VTN: variants seen among roughly 807,000 people sequenced by gnomAD.
The protein encoded by VTN is vitronectin.
In VTN, 45 loss-of-function variants were observed where a neutral mutation model predicts 55.9. The observed-to-expected ratio is 0.80, with a 90% CI of 0.63 to 1.03. The LOEUF (loss-of-function observed/expected upper bound fraction) is 1.03. VTN is among the 50% of genes least tolerant of loss of function. The pLI, the probability that VTN is intolerant of heterozygous loss-of-function variation, is 0.00. For missense variants in VTN, 589 were observed against 638.2 expected (o/e 0.92, Z 0.83); for synonymous variants, 238 against 242.3 (o/e 0.98, Z 0.17).
In VTN at chr17:28,367,298, C is replaced by T. The variant is rs985205214; in HGVS notation, c.*71G>A. On this transcript the variant is annotated 3_prime_UTR_variant, in exon 8 of 8. Transcript: ENST00000226218. ...TAATTTTAAACTCGGGGCTAAGGGA[C>T]CTTTATTGGGCTGGGGGAAGGAGAT... The T allele has an allele frequency of 3.8e-6, 4 of 1,066,604 alleles. No homozygotes were observed. The highest frequency in any genetic ancestry group is 2.5e-5 in the East Asian group (1 of 39,542). The allele number at this position is 1,066,604 out of a possible 1,614,324, so 66.1% of individuals were successfully genotyped here.
chr17:28,368,225 C>G (rs1372404960), intron 6 of VTN, among the ~76,000 whole-genome samples, 166 bp from the exon 7 acceptor site: 1 of 152,110 alleles, frequency 6.6e-6, no homozygotes, highest in Non-Finnish European at 1.5e-5. Flanking sequence ...CTGTGCTTTC[C>G]CTCCACCATA....
Position 28,369,540 on chromosome 17 carries a change from C to T in VTN, c.496G>A (p.Asp166Asn), listed in dbSNP as rs1392405498. 6.2e-6 allele frequency: 10 copies of T among 1,609,262 alleles called. No homozygotes were observed. The highest frequency in any genetic ancestry group is 3.3e-5 in the South Asian group (3 of 91,008). ...GCAAAGAGGGAACCGTTCTTGAGGT[C>T]GGTGAAGGCGTCGAAGGGCTTCCCA... ...CSGKPFDAFT[D>N]LKNGSLFAFR... Residue 166 changes from aspartate (D) to asparagine (N), a missense_variant, in exon 3 of 8, where the codon GAC becomes AAC. Physicochemically the swap from Asp to Asn is conservative, Grantham distance 23 (BLOSUM62 1). Around this residue, in one of 3 missense-constraint regions of VTN, gnomAD observed 217 missense variants for 241.3 expected, o/e 0.90. Transcript: ENST00000226218. The surrounding 1 kb of genome is among the most constrained non-coding windows in gnomAD (Gnocchi z 5.3).
rs782493135 is a variant in VTN, at chr17:28,368,928, G to T, written c.770C>A (p.Ala257Asp). ...GTAGCTATGGGCAGGGAGGGCCAAGGCTGCATCCACGTTGTCCGGGATGCC... is the reference window on the plus strand; with the variant it reads ...GTAGCTATGGGCAGGGAGGGCCAAGTCTGCATCCACGTTGTCCGGGATGCC... ...FDGIPDNVDA[A>D]LALPAHSYSG... Residue 257 changes from alanine to aspartate, a missense_variant, in exon 5 of 8, where the codon GCC (alanine) becomes GAC (aspartate). Ala to Asp is a moderately radical substitution (Grantham distance 126). Transcript: ENST00000226218. 4 of 1,609,600 alleles carry T rather than the reference G, an allele frequency of 2.5e-6. No homozygotes were observed. The highest frequency in any genetic ancestry group is 3.4e-6 in the Non-Finnish European group (4 of 1,178,846).
chr17:28,368,076 G>A lies in VTN; in HGVS notation c.980-17C>T. ...TGGTACCAGCTGTGGCAGGGAAGGG[G>A]TGAATGAGAGGTCTTGGGGGTCCGA... On this transcript the variant is annotated splice_polypyrimidine_tract_variant and intron_variant, in intron 6 of 7. Coordinates refer to ENST00000226218, the MANE Select transcript of VTN (RefSeq NM_000638.4). 1 of 1,554,584 alleles carries A rather than the reference G, an allele frequency of 6.4e-7. No homozygotes were observed. The highest frequency in any genetic ancestry group is 8.7e-7 in the Non-Finnish European group (1 of 1,148,502).
Position 28,369,957 on chromosome 17 carries a change from T to C in VTN, c.154A>G (p.Thr52Ala). The C allele has an allele frequency of 1.2e-6, 2 of 1,614,096 alleles. No homozygotes were observed. Among genetic ancestry groups the C allele is most frequent in the South Asian group, 1.1e-5 (1 of 91,086 alleles). Residue 52 changes from threonine (T) to alanine (A), a missense_variant, in exon 2 of 8, where the codon ACA (threonine) becomes GCA (alanine). Coordinates refer to ENST00000226218, the MANE Select transcript of VTN (RefSeq NM_000638.4). This position sits in a 1 kb window ranked among gnomAD's most constrained non-coding sequence, Gnocchi z 5.3. ...ELCSYYQSCC[T>A]DYTAECKPQV... ...GGCTTGCACTCAGCCGTATAGTCTG[T>C]GCAGCAGCTCTGGTAGTAAGAGCAG... is the stretch of plus-strand genomic sequence containing the variant.
rs1567802588 is a variant in VTN at position 28,370,237 on chromosome 17, GGCTCTGGTCTCCCTGAAGTCTCC to G, written c.-57_-35del. On this transcript the variant is annotated 5_prime_UTR_variant, in exon 1 of 8. Coordinates refer to ENST00000226218, the MANE Select transcript of VTN (RefSeq NM_000638.4). ...TTCTAGCTCAGTGCCTGGCAAGCTG[GGCTCTGGTCTCCCTGAAGTCTCC>G]GCTCTGATGCCTGAGGAAGGGAGGG... 2 of 1,596,450 alleles carry G rather than the reference GGCTCTGGTCTCCCTGAAGTCTCC, an allele frequency of 1.3e-6. No individual in the cohort carries two copies. Among genetic ancestry groups the G allele is most frequent in the Non-Finnish European group, 8.6e-7 (1 of 1,169,216 alleles).
rs187325421 is a variant in VTN, at chr17:28,367,652, T to A, written c.1324+63A>T. 3.4e-5 allele frequency: 52 copies of A among 1,543,836 alleles called. No individual in the cohort carries two copies. In the Middle Eastern group the frequency reaches 1.2e-3, roughly 36 times the overall value. On this transcript the variant is annotated intron_variant, in intron 7 of 7. Coordinates refer to ENST00000226218, the MANE Select transcript of VTN (RefSeq NM_000638.4). ...ACTTGCAGGCTGCGTTCAGCCCTTG[T>A]GCACCAGGGACAGCAAGGAAAACCC... is the stretch of plus-strand genomic sequence containing the variant.
chr17:28,368,718 A>G (rs1555583440), intron 5 of VTN, 45 bp from the exon 6 acceptor site: 1 of 1,610,496 alleles, frequency 6.2e-7, no homozygotes. Flanking sequence ...GGCCAGGGCA[A>G]GACTGGAGAT....
Position 28,368,233 on chromosome 17 carries a change from A to G in VTN, c.980-174T>C, listed in dbSNP as rs138190676. 2.3e-3 allele frequency among the ~76,000 whole-genome samples: 342 copies of G among 151,950 alleles called. 1 individual carries two copies. Among genetic ancestry groups the G allele is most frequent in the Middle Eastern group, 0.014 (4 of 294 alleles). On this transcript the variant is annotated intron_variant, in intron 6 of 7. Transcript: ENST00000226218. Reference sequence around the variant, plus strand: ...CTTCCCCCTGTGCTTTCCCTCCACCATATCACTGGTGTCTCGACCCCACCC... The same window carrying G: ...CTTCCCCCTGTGCTTTCCCTCCACCGTATCACTGGTGTCTCGACCCCACCC...
intron 7 of VTN, 91 bp downstream of exon 7, chr17:28,367,623 CA>C: frequency 6.9e-7 from 1 of 1,457,322 alleles, no homozygotes; most frequent in Non-Finnish European, 9.5e-7. Flanking sequence ...TTTCTGTGGT[CA>C]CTACTTGCAG....
chr17:28,368,016 A>G lies in VTN; in HGVS notation c.1023T>C (p.Gly341=). The part of the protein sequence containing the change: ...QPQFISRDWH[G]VPGQVDAAMA... ...TGGCTGCGTCCACTTGCCCTGGCAC[A>G]CCGTGCCAGTCCCGGCTAATGAACT... The change falls in exon 7 of 8, where the codon GGT becomes GGC. Residue 341 remains glycine, a synonymous_variant. Coordinates refer to ENST00000226218, the MANE Select transcript of VTN (RefSeq NM_000638.4). The G allele has an allele frequency of 6.3e-7, 1 of 1,590,872 alleles. No individual in the cohort carries two copies. The highest frequency in any genetic ancestry group is 1.8e-5 in the Admixed American group (1 of 56,314).
Position 28,369,370 on chromosome 17 carries a change from G to A in VTN, c.588C>T (p.Ile196=). ...KAVRPGYPKL[I]RDVWGIEGPI... ...GGCCCTCGATGCCCCAGACATCTCGGATGAGCTTGGGGTACCCAGGCCTCA... is the reference window on the plus strand; with the variant it reads ...GGCCCTCGATGCCCCAGACATCTCGAATGAGCTTGGGGTACCCAGGCCTCA... The change falls in exon 4 of 8, where the codon ATC becomes ATT. Residue 196 remains isoleucine, a synonymous_variant. Transcript: ENST00000226218. This position sits in a 1 kb window ranked among gnomAD's most constrained non-coding sequence, Gnocchi z 5.3. 1.2e-6 allele frequency: 2 copies of A among 1,607,210 alleles called. No individual in the cohort carries two copies.
Position 28,367,386 on chromosome 17 carries a change from C to T in VTN, c.1420G>A (p.Ala474Thr). 1 of 1,594,986 alleles carries T rather than the reference C, an allele frequency of 6.3e-7. No individual in the cohort carries two copies. Among genetic ancestry groups the T allele is most frequent in the East Asian group, 2.3e-5 (1 of 44,434 alleles). ...SIAQYWLGCPAPGHL is the reference protein window; with the variant it reads ...SIAQYWLGCPTPGHL ...TCTGACTCCTACAGATGGCCAGGAGCTGGGCAGCCCAGCCAGTACTGAGCG... is the reference window on the plus strand; with the variant it reads ...TCTGACTCCTACAGATGGCCAGGAGTTGGGCAGCCCAGCCAGTACTGAGCG... The change falls in exon 8 of 8, where the codon GCT becomes ACT. Residue 474 changes from alanine to threonine, a missense_variant. Transcript: ENST00000226218.
Position 28,370,062 on chromosome 17 carries a change from G to C in VTN, c.65-16C>G, listed in dbSNP as rs782230797. ...TTGCATGACTCTATGAGGAAGGAGT[G>C]TCAGTCGGTGCCACCAAGCCCAGAC... is the stretch of plus-strand genomic sequence containing the variant. On this transcript the variant is annotated splice_polypyrimidine_tract_variant and intron_variant, in intron 1 of 7. Transcript: ENST00000226218. 2 of 1,614,110 alleles carry C rather than the reference G, an allele frequency of 1.2e-6. No individual in the cohort carries two copies. Among genetic ancestry groups the C allele is most frequent in the Admixed American group, 3.3e-5 (2 of 60,012 alleles).
In VTN at chr17:28,369,189, A is replaced by G. The variant is rs1291266424; in HGVS notation, c.669+100T>C. On this transcript the variant is annotated intron_variant, in intron 4 of 7. Coordinates refer to ENST00000226218, the MANE Select transcript of VTN (RefSeq NM_000638.4). This position sits in a 1 kb window ranked among gnomAD's most constrained non-coding sequence, Gnocchi z 5.3. ...TCACAGAGCTCCCACCAGGTCCTGC[A>G]GGGCCCTGGGTCCAGCTTCCCTGTC... 6.6e-7 allele frequency: 1 copy of G among 1,506,758 alleles called. No individual in the cohort carries two copies. Among genetic ancestry groups the G allele is most frequent in the Non-Finnish European group, 8.9e-7 (1 of 1,125,836 alleles). 93.3% of individuals were successfully genotyped at this position (1,506,758 alleles called of 1,614,324 possible).
chr17:28,368,509 CT>C lies in VTN; in HGVS notation c.979+11del. On this transcript the variant is annotated intron_variant, in intron 6 of 7. Coordinates refer to ENST00000226218, the MANE Select transcript of VTN (RefSeq NM_000638.4). Reference sequence around the variant, plus strand: ...TTTTGAGGGAGAAGCAAGACTTGCCCTCTCTCCATACCAGAGGTTCTGCCCC... The same window carrying C: ...TTTTGAGGGAGAAGCAAGACTTGCCCCTCTCCATACCAGAGGTTCTGCCCC... 6.2e-7 allele frequency: 1 copy of C among 1,613,212 alleles called. No homozygotes were observed. The highest frequency in any genetic ancestry group is 8.5e-7 in the Non-Finnish European group (1 of 1,179,556).
Position 28,368,954 on chromosome 17 carries a change from A to T in VTN, c.744T>A (p.Asp248Glu), listed in dbSNP as rs543820964. 1.0e-5 allele frequency: 16 copies of T among 1,604,126 alleles called. No homozygotes were observed. In the South Asian group the frequency reaches 1.8e-4, roughly 18 times the overall value. The stretch of plus-strand genomic sequence containing the variant: ...CTGCATCCACGTTGTCCGGGATGCC[A>T]TCGAAGCCGTCAGAGATATTTCGGG... ...DYPRNISDGF[D>E]GIPDNVDAAL... Residue 248 changes from aspartate to glutamate, a missense_variant, in exon 5 of 8, where the codon GAT becomes GAA. By Grantham distance (45) the Asp-to-Glu change is conservative. Transcript: ENST00000226218.
chr17:28,369,600 T>G lies in VTN; in HGVS notation c.436A>C (p.Arg146=). The G allele has an allele frequency of 1.2e-6, 2 of 1,613,564 alleles. No individual in the cohort carries two copies. The highest frequency in any genetic ancestry group is 1.3e-5 in the African/African-American group (1 of 75,044). ...TCCTCCTCTGCTGGGGGCTGAGGTCTCCCTGGATGAAGGGTCTCAGGCCTT... is the reference window on the plus strand; with the variant it reads ...TCCTCCTCTGCTGGGGGCTGAGGTCGCCCTGGATGAAGGGTCTCAGGCCTT... ...DSRPETLHPG[R]PQPPAEEELC... is the part of the protein sequence containing the mutation. The change falls in exon 3 of 8, where the codon AGA becomes CGA. Residue 146 remains arginine (R), a synonymous_variant. Transcript: ENST00000226218. The surrounding 1 kb of genome is among the most constrained non-coding windows in gnomAD (Gnocchi z 5.3).
At position 28,367,463 on chromosome 17, in the gene VTN, T is replaced by G; in HGVS notation, c.1343A>C (p.Asn448Thr). ...AGTGTCCACTCGCCGTGTGCGAAGA[T>G]TGACTCGGTAGTACTTGTCTGGAAG... ...FFSGDKYYRV[N>T]LRTRRVDTVD... The change falls in exon 8 of 8, where the codon AAT (asparagine) becomes ACT (threonine). Residue 448 changes from asparagine to threonine, a missense_variant. Coordinates refer to ENST00000226218, the MANE Select transcript of VTN (RefSeq NM_000638.4). 6.2e-7 allele frequency: 1 copy of G among 1,613,768 alleles called. No homozygotes were observed. The highest frequency in any genetic ancestry group is 1.1e-5 in the South Asian group (1 of 91,034).
Sources: allele counts gnomAD v4.1 joint callset (sites outside exome capture counted in the v4.1 genomes callset), GRCh38; gene constraint gnomAD v4.1.1; regional missense constraint gnomAD v4.1.1; non-coding constraint Gnocchi (gnomAD v3.1); transcripts MANE v1.5; gene names NCBI Gene and HGNC (gene_info 2026-07-23, HGNC 2026-07-21).